The following PTPRT variants were observed in gnomAD, a reference collection of about 807,000 sequenced individuals.
The protein encoded by PTPRT is protein tyrosine phosphatase receptor type T.
In PTPRT, 56 loss-of-function variants were observed where a neutral mutation model predicts 176.8. The ratio of observed to expected loss-of-function variants is 0.32; its 90% CI spans 0.26 to 0.40. The LOEUF (loss-of-function observed/expected upper bound fraction) is 0.40, where lower values mean the gene tolerates loss of function less well. PTPRT is among the 10% of genes least tolerant of loss of function. The probability of loss-of-function intolerance (pLI) is 1.00; values close to 1 mark genes in which losing one functional copy is unlikely to be tolerated. For synonymous variants in PTPRT, 783 were observed against 739.0 expected, an observed-to-expected ratio of 1.06 and a Z score of -0.96; for missense variants, 1,540 against 1,908.2, an observed-to-expected ratio of 0.81 and a Z score of 3.60.
chr20:43,090,768 C>G (rs1391595494), intron 1 of PTPRT, among the ~76,000 whole-genome samples: 1 of 151,480 alleles, frequency 6.6e-6, no homozygotes, highest in African/African-American at 2.4e-5. Flanking sequence ...CATGAAAGAC[C>G]ATACCATGAA....
At chr20:42,095,939 C>T (rs1985173756) in intron 27 of PTPRT, among the ~76,000 whole-genome samples, 1 of 152,148 alleles carries the variant, frequency 6.6e-6, no homozygotes, top group Non-Finnish European at 1.5e-5. Context: ...GCTCTTCTCG[C>T]TGCCTTCCCC....
At chr20:42,931,360 G>A (rs1226519684) in intron 1 of PTPRT, among the ~76,000 whole-genome samples, 1 of 152,196 alleles carries the variant, frequency 6.6e-6, no homozygotes, top group Non-Finnish European at 1.5e-5. Flanking sequence ...AAGTCAGGAA[G>A]AGGCCCCTCA....
intron 1 of PTPRT, among the ~76,000 whole-genome samples, chr20:42,915,936 GC>G (rs1978713404): frequency 6.6e-6 from 1 of 151,690 alleles, no homozygotes; most frequent in African/African-American, 2.4e-5. Flanking sequence ...CCTCATGAGT[GC>G]CCAATTGTTG....
chr20:43,094,269 G>A (rs1320532133), intron 1 of PTPRT, among the ~76,000 whole-genome samples: 1 of 148,972 alleles, frequency 6.7e-6, no homozygotes. Flanking sequence ...TGTTTTTTTA[G>A]TAGAGACGGG....
chr20:42,492,319 G>C (rs762089554), intron 7 of PTPRT, among the ~76,000 whole-genome samples: 1 of 152,190 alleles, frequency 6.6e-6, no homozygotes. Flanking sequence ...ACGTAGGAGA[G>C]ATCCAGTTTC....
rs942312463 is a variant in PTPRT at position 42,274,833 on chromosome 20, A to T, written c.2176+7656T>A. Among the ~76,000 whole-genome samples, 3 of 152,140 alleles carry T rather than the reference A, an allele frequency of 2.0e-5. No individual in the cohort carries two copies. In the East Asian group the frequency reaches 5.8e-4, roughly 29 times the overall value. On this transcript the variant is annotated intron_variant, in intron 13 of 30. Coordinates refer to ENST00000373187, the MANE Select transcript of PTPRT (RefSeq NM_007050.6). ...CCTTCTGCTCCAGGACTTAGCTTGA[A>T]TACTCCTGGAGACAGGCCAAAGACC...
At chr20:42,270,342 C>G in intron 13 of PTPRT, 1 of 1,486,220 alleles carries the variant, frequency 6.7e-7, no homozygotes, top group South Asian at 1.2e-5. Flanking sequence ...GCCTGGAGGA[C>G]CCACTGAGTG....
At chr20:42,263,311 C>A (rs1600745839) in intron 13 of PTPRT, among the ~76,000 whole-genome samples, 1 of 150,854 alleles carries the variant, frequency 6.6e-6, no homozygotes, top group Non-Finnish European at 1.5e-5. Flanking sequence ...CCTCAACCTC[C>A]TGGGCTCAAG....
chr20:43,127,054 G>T lies in PTPRT; in HGVS notation c.88+62592C>A, dbSNP rs187710894. ...GCAAGGGTGAAATATTTGTGGGGTA[G>T]ATTTACTTATGATTGTAAGCTATTT... On this transcript the variant is annotated intron_variant, in intron 1 of 30. Transcript: ENST00000373187. Among the ~76,000 whole-genome samples, 62 of 152,272 alleles carry T rather than the reference G, an allele frequency of 4.1e-4. 1 individual carries two copies. The highest frequency in any genetic ancestry group is 8.9e-4 in the African/African-American group (37 of 41,558).
intron 20 of PTPRT, 24 bp from the exon 21 acceptor site, chr20:42,118,524 G>A (rs1987412832): frequency 6.3e-7 from 1 of 1,579,712 alleles, no homozygotes. Context: ...AGACAGTGAG[G>A]TTAGAGAATG....
At chr20:42,694,732 T>C (rs1307201782) in intron 6 of PTPRT, among the ~76,000 whole-genome samples, 3 of 152,232 alleles carry the variant, frequency 2.0e-5, no homozygotes, top group African/African-American at 7.2e-5. Flanking sequence ...TATGTAGTGA[T>C]GTTTCACTGT....
chr20:42,524,498 G>C (rs1482464802), intron 7 of PTPRT, among the ~76,000 whole-genome samples: 1 of 152,142 alleles, frequency 6.6e-6, no homozygotes, highest in Non-Finnish European at 1.5e-5. Context: ...TGAGAAACCT[G>C]CTTTGAGTTA....
chr20:42,160,353 C>T (rs1401743753), intron 17 of PTPRT, among the ~76,000 whole-genome samples: 1 of 152,172 alleles, frequency 6.6e-6, no homozygotes, highest in Non-Finnish European at 1.5e-5. Flanking sequence ...GAGTGAGCTG[C>T]TCTTTGGTTC....
At chr20:42,486,611 A>G (rs562212893) in intron 7 of PTPRT, among the ~76,000 whole-genome samples, 4 of 152,178 alleles carry the variant, frequency 2.6e-5, no homozygotes, top group Non-Finnish European at 5.9e-5. Context: ...CTGTATAACA[A>G]ATCACCCCCA....
chr20:42,229,195 T>C (rs1161874875), intron 15 of PTPRT, among the ~76,000 whole-genome samples: 1 of 152,210 alleles, frequency 6.6e-6, no homozygotes, highest in Non-Finnish European at 1.5e-5. Context: ...GAGATACTTG[T>C]TAAAAAGCAG....
At chr20:42,872,161 G>T (rs529850034) in intron 2 of PTPRT, among the ~76,000 whole-genome samples, 9 of 152,326 alleles carry the variant, frequency 5.9e-5, no homozygotes, top group East Asian at 1.9e-4. Flanking sequence ...AAAACAGTTT[G>T]CTCAAATATC....
intron 2 of PTPRT, among the ~76,000 whole-genome samples, chr20:42,874,808 G>T (rs2078903508): frequency 1.3e-5 from 2 of 152,164 alleles, no homozygotes; most frequent in South Asian, 2.1e-4. Context: ...CCAGGAAGTG[G>T]TATACACATG....
At chr20:42,877,182 C>T (rs1026365199) in intron 2 of PTPRT, among the ~76,000 whole-genome samples, 1 of 151,538 alleles carries the variant, frequency 6.6e-6, no homozygotes, top group African/African-American at 2.4e-5. Flanking sequence ...GGGAGATCAA[C>T]AAGCAAGAAG....
In PTPRT at chr20:42,694,462, T is replaced by C. The variant is rs1350901974; in HGVS notation, c.860-16303A>G. On this transcript the variant is annotated intron_variant, in intron 6 of 30. Transcript: ENST00000373187. ...TTAACCATTCTCCCGTTAAGGGTCA[T>C]CTAGGCTATTTTCAGGTTTTTGCTA... Among the ~76,000 whole-genome samples, 3 of 152,230 alleles carry C rather than the reference T, an allele frequency of 2.0e-5. No homozygotes were observed. The South Asian group carries it at 6.2e-4, about 32-fold the overall frequency.
Sources: allele counts gnomAD v4.1 joint callset (sites outside exome capture counted in the v4.1 genomes callset), GRCh38; gene constraint gnomAD v4.1.1; transcripts MANE v1.5; gene names NCBI Gene and HGNC (gene_info 2026-07-23, HGNC 2026-07-21).